Variants in WNT5A observed in about 807,000 individuals in gnomAD.
WNT5A encodes Wnt family member 5A, also known as protein Wnt-5a.
WNT5A carries 9 observed loss-of-function variants against 42.1 expected under a neutral mutation model. The ratio of observed to expected loss-of-function variants is 0.21; its 90% CI spans 0.13 to 0.37. The LOEUF is 0.37. Among genes scored for constraint, WNT5A ranks in the 10% least tolerant of loss-of-function variants. The pLI is 1.00. For synonymous variants in WNT5A, 210 were observed against 210.0 expected, an observed-to-expected ratio of 1.00 and a Z score of 0.00; for missense variants, 426 against 534.0, an observed-to-expected ratio of 0.80 and a Z score of 1.99.
At chr3:55,489,511 T>C (rs891218918), upstream of WNT5A, among the ~76,000 whole-genome samples, 2 of 148,690 alleles carry the variant, frequency 1.3e-5, no homozygotes, top group Non-Finnish European at 3.0e-5. Context: ...CCCCTTCCCA[T>C]TCCTTAATTT....
In WNT5A at chr3:55,467,310, T is replaced by C. The variant is rs757777407; in HGVS notation, c.*2782A>G. ...TAAAACAATTAAGTTACATGCATAA[T>C]GCTAAAAGAATGTGAGCAATCCTAT... On this transcript the variant is annotated 3_prime_UTR_variant, in exon 5 of 5. Coordinates refer to ENST00000264634, the MANE Select transcript of WNT5A (RefSeq NM_003392.7). 8 of 152,288 alleles carry C rather than the reference T, an allele frequency of 5.3e-5. No homozygotes were observed. Among genetic ancestry groups the C allele is most frequent in the Non-Finnish European group, 1.2e-4 (8 of 67,972 alleles). 9.4% of individuals were successfully genotyped at this position (152,288 alleles called of 1,614,324 possible).
intron 1 of WNT5A, among the ~76,000 whole-genome samples, chr3:55,482,258 T>A (rs528504756): frequency 6.6e-6 from 1 of 152,188 alleles, no homozygotes; most frequent in Admixed American, 6.5e-5. Context: ...GGAGTTGGCC[T>A]TGGAAGCTTC....
intron 1 of WNT5A, among the ~76,000 whole-genome samples, chr3:55,486,121 AAAAC>A: frequency 6.6e-6 from 1 of 152,378 alleles, no homozygotes; most frequent in South Asian, 2.1e-4. Context: ...ACTGACAATT[AAAAC>A]AAACAAGAGT....
the WNT5A span, among the ~76,000 whole-genome samples, chr3:55,501,408 C>T: frequency 4.6e-5 from 7 of 152,194 alleles, no homozygotes; most frequent in South Asian, 2.1e-4. Context: ...GACCTGTGCA[C>T]GCACAGTTTT....
chr3:55,480,644 A>G, intron 2 of WNT5A, 141 bp downstream of exon 2: 1 of 888,452 alleles, frequency 1.1e-6, no homozygotes, highest in Non-Finnish European at 1.6e-6. Flanking sequence ...ATTTAAAACT[A>G]TATATAAGTA....
chr3:55,493,873 T>TA (rs1172414458), upstream of WNT5A: 2 of 152,236 alleles, frequency 1.3e-5, no homozygotes, highest in African/African-American at 4.8e-5. Flanking sequence ...ATAAGAGAAA[T>TA]AGTTTTCATC....
chr3:55,504,527 G>C, the WNT5A span, among the ~76,000 whole-genome samples: 5 of 150,826 alleles, frequency 3.3e-5, no homozygotes, highest in African/African-American at 1.2e-4. Flanking sequence ...TCAATGGCGC[G>C]ATATCGGCTC....
At chr3:55,491,812 A>C (rs1293902167), upstream of WNT5A, among the ~76,000 whole-genome samples, 9 of 152,232 alleles carry the variant, frequency 5.9e-5, no homozygotes, top group Non-Finnish European at 1.2e-4. Flanking sequence ...AAGAGCCCCA[A>C]GATGTTTACT....
chr3:55,486,859 C>A (rs2051587339), intron 1 of WNT5A, 121 bp downstream of exon 1: 4 of 790,408 alleles, frequency 5.1e-6, no homozygotes. Flanking sequence ...CGCTGGAGTT[C>A]CAGCTTCTTC....
chr3:55,476,300 T>G (rs1488859761), intron 3 of WNT5A, among the ~76,000 whole-genome samples: 1 of 152,222 alleles, frequency 6.6e-6, no homozygotes, highest in Non-Finnish European at 1.5e-5. Context: ...AATGAATGAC[T>G]TGAAGGTGTG....
At chr3:55,473,519 G>A (rs2051291354) in intron 4 of WNT5A, among the ~76,000 whole-genome samples, 2 of 152,198 alleles carry the variant, frequency 1.3e-5, no homozygotes, top group Non-Finnish European at 2.9e-5. Context: ...CCCCACCAGG[G>A]GAAGGAAAGA....
At chr3:55,472,474 C>T (rs569311740) in intron 4 of WNT5A, among the ~76,000 whole-genome samples, 3 of 152,240 alleles carry the variant, frequency 2.0e-5, no homozygotes, top group African/African-American at 4.8e-5. Context: ...GAGATCCCAG[C>T]GATACATCCC....
At position 55,469,989 on chromosome 3, in the gene WNT5A, G is replaced by T; in HGVS notation, c.*103C>A. The T allele has an allele frequency of 1.4e-6, 2 of 1,426,804 alleles. No homozygotes were observed. The highest frequency in any genetic ancestry group is 1.9e-6 in the Non-Finnish European group (2 of 1,033,116). The allele number at this position is 1,426,804 out of a possible 1,614,324, so 88.4% of individuals were successfully genotyped here. On this transcript the variant is annotated 3_prime_UTR_variant, in exon 5 of 5. Coordinates refer to ENST00000264634, the MANE Select transcript of WNT5A (RefSeq NM_003392.7). ...AAAAATGGTTCCGGTTGCAATTCTT[G>T]GGGAAAAATAAAAAATATTTCTAAA...
rs1222352764 is a variant in WNT5A at position 55,468,536 on chromosome 3, C to G, written c.*1556G>C. ...CAAAAAACTTTTGGAATAATCCCAA[C>G]TGGACTGCAGTGAAGGACAACAATG... On this transcript the variant is annotated 3_prime_UTR_variant, in exon 5 of 5. Transcript: ENST00000264634. 6.6e-6 allele frequency: 1 copy of G among 152,102 alleles called. No individual in the cohort carries two copies. The highest frequency in any genetic ancestry group is 2.4e-5 in the African/African-American group (1 of 41,412). The allele number at this position is 152,102 out of a possible 1,614,324, so 9.4% of individuals were successfully genotyped here. A position where few individuals can be genotyped will look rare whatever the true frequency, so the allele number is the denominator to read the frequency against.
At chr3:55,490,268 A>C (rs2051644709), upstream of WNT5A, 1 of 152,184 alleles carries the variant, frequency 6.6e-6, no homozygotes, top group Admixed American at 6.5e-5. Flanking sequence ...TTTAATGGCT[A>C]TTTTCTGAGT....
At position 55,470,116 on chromosome 3, in the gene WNT5A, G is replaced by A. The variant is rs773053795; in HGVS notation, c.1119C>T (p.Ile373=). 4 of 1,614,098 alleles carry A rather than the reference G, an allele frequency of 2.5e-6. No homozygotes were observed. The highest frequency in any genetic ancestry group is 3.4e-6 in the Non-Finnish European group (4 of 1,179,962). The part of the protein sequence containing the change: ...CYVKCKKCTE[I]VDQFVCK ...ACTACTTGCACACAAACTGGTCCAC[G>A]ATCTCCGTGCACTTCTTGCACTTGA... Residue 373 remains isoleucine, a synonymous_variant, in exon 5 of 5, where the codon ATC becomes ATT. Coordinates refer to ENST00000264634, the MANE Select transcript of WNT5A (RefSeq NM_003392.7).
chr3:55,486,874 G>A (rs2051587565), intron 1 of WNT5A, 106 bp downstream of exon 1: 6 of 839,862 alleles, frequency 7.1e-6, no homozygotes, highest in East Asian at 2.5e-5. Flanking sequence ...TTCTTCAGGC[G>A]GTTGGGGAAA....
In WNT5A at chr3:55,474,074, G is replaced by A. The variant is rs9818631; in HGVS notation, c.684+263C>T. ...GATGGAGGAAAGAGAGGTAGACAAA[G>A]GGGGAGAAGAGAGAGACCGGGAAGG... On this transcript the variant is annotated intron_variant, in intron 4 of 4. Transcript: ENST00000264634. Among the ~76,000 whole-genome samples the A allele has an allele frequency of 0.095, 14,382 of 152,128 alleles. 1,314 individuals are homozygous for A. Among genetic ancestry groups the A allele is most frequent in the African/African-American group, 0.22 (9,229 of 41,476 alleles).
the WNT5A span, among the ~76,000 whole-genome samples, chr3:55,499,728 C>A: frequency 6.6e-6 from 1 of 152,146 alleles, no homozygotes; most frequent in Non-Finnish European, 1.5e-5. Flanking sequence ...AATCCCAGCA[C>A]TTTGGGAGGC....
Sources: allele counts gnomAD v4.1 joint callset (sites outside exome capture counted in the v4.1 genomes callset), GRCh38; gene constraint gnomAD v4.1.1; transcripts MANE v1.5; gene names NCBI Gene and HGNC (gene_info 2026-07-23, HGNC 2026-07-21).